MALL: variants seen among roughly 807,000 people sequenced by gnomAD.
MALL encodes mal, T cell differentiation protein like, also known as MAL-like protein.
In MALL, 2 loss-of-function variants were observed where a neutral mutation model predicts 10.3. That is an observed-to-expected ratio of 0.19 (90% CI 0.08 to 0.61). The LOEUF (loss-of-function observed/expected upper bound fraction) is 0.61, where lower values mean the gene tolerates loss of function less well. Ranked by LOEUF, MALL falls within the 20% of genes least tolerant of loss-of-function variation. The probability of loss-of-function intolerance (pLI) is 0.88; values close to 1 mark genes in which losing one functional copy is unlikely to be tolerated. For synonymous variants in MALL, 27 were observed against 51.8 expected (o/e 0.52, Z 2.05); for missense variants, 39 against 115.2 (o/e 0.34, Z 3.03).
intron 1 of MALL, chr2:110,097,597 A>G (rs1190926526): frequency 2.2e-6 from 1 of 455,818 alleles, no homozygotes; most frequent in Admixed American, 2.4e-5. Flanking sequence ...TGCCTGAGTA[A>G]TGATGCCCTG....
At chr2:110,096,404 G>A (rs1678441150) in intron 1 of MALL, among the ~76,000 whole-genome samples, 1 of 152,088 alleles carries the variant, frequency 6.6e-6, no homozygotes, top group Non-Finnish European at 1.5e-5. Flanking sequence ...AATAGAAGAG[G>A]TGGGGGTCTC....
chr2:110,115,476 CGCT>C (rs1678887857), intron 1 of MALL, among the ~76,000 whole-genome samples: 1 of 69,992 alleles, frequency 1.4e-5, no homozygotes. Context: ...GCTCGCTCCC[CGCT>C]CTCGGTCCGG....
chr2:110,098,261 G>A (rs1678487062), intron 1 of MALL, among the ~76,000 whole-genome samples: 1 of 151,622 alleles, frequency 6.6e-6, no homozygotes, highest in South Asian at 2.1e-4. Flanking sequence ...ATTTTTAAGT[G>A]TACAGTTCAG....
At chr2:110,097,144 C>T (rs1183324578) in intron 1 of MALL, among the ~76,000 whole-genome samples, 1 of 148,236 alleles carries the variant, frequency 6.7e-6, no homozygotes, top group Non-Finnish European at 1.5e-5. Flanking sequence ...ATGGAACAAA[C>T]TCCAAGAATT....
At chr2:110,117,587 A>ATG (rs3840469), upstream of MALL, among the ~76,000 whole-genome samples, 5,232 of 105,208 alleles carry the variant, frequency 0.05, 294 homozygotes, top group African/African-American at 0.14. Context: ...GACCAAAGCA[A>ATG]TGTGTGTGTG....
intron 1 of MALL, among the ~76,000 whole-genome samples, chr2:110,101,991 C>T (rs1678573396): frequency 6.6e-6 from 1 of 152,144 alleles, no homozygotes; most frequent in South Asian, 2.1e-4. Context: ...GGCTTCCCCA[C>T]TCTCCCTGGC....
At chr2:110,102,996 TG>T (rs1337809765) in intron 1 of MALL, among the ~76,000 whole-genome samples, 3 of 151,908 alleles carry the variant, frequency 2.0e-5, no homozygotes, top group African/African-American at 4.8e-5. Context: ...GGGAGGCTGG[TG>T]GGGGTATCTG....
intron 1 of MALL, among the ~76,000 whole-genome samples, chr2:110,107,002 A>G (rs185457117): frequency 6.7e-6 from 1 of 150,208 alleles, no homozygotes; most frequent in Admixed American, 6.7e-5. Context: ...TATTTATATA[A>G]CTTTCTGGAA....
intron 1 of MALL, among the ~76,000 whole-genome samples, chr2:110,101,070 C>A (rs1164711012): frequency 2.6e-5 from 4 of 151,302 alleles, no homozygotes; most frequent in Admixed American, 2.6e-4. Context: ...GCTCAGAGAC[C>A]CAGGGTCCAC....
upstream of MALL, among the ~76,000 whole-genome samples, chr2:110,117,576 G>A (rs1318155974): frequency 5.5e-5 from 8 of 144,710 alleles, 1 homozygote; most frequent in Non-Finnish European, 1.1e-4. Flanking sequence ...TCTATCTTCA[G>A]GACCAAAGCA....
intron 1 of MALL, 53 bp downstream of exon 1, chr2:110,115,635 C>T: frequency 8.5e-6 from 9 of 1,063,348 alleles, no homozygotes; most frequent in South Asian, 4.4e-5. Flanking sequence ...GGTCCGAGGC[C>T]GGTCTCCCCC....
At chr2:110,095,491 T>A (rs1277228184) in intron 1 of MALL, among the ~76,000 whole-genome samples, 2 of 152,132 alleles carry the variant, frequency 1.3e-5, no homozygotes, top group Non-Finnish European at 2.9e-5. Context: ...AGCTTAACAA[T>A]AGGTTTTTAA....
chr2:110,099,743 G>A (rs1678521574), intron 1 of MALL, among the ~76,000 whole-genome samples: 1 of 152,110 alleles, frequency 6.6e-6, no homozygotes, highest in Admixed American at 6.5e-5. Flanking sequence ...GCCTGAGAAG[G>A]GGGCACAGGG....
intron 1 of MALL, among the ~76,000 whole-genome samples, chr2:110,102,171 C>G (rs527682983): frequency 6.6e-6 from 1 of 152,178 alleles, no homozygotes; most frequent in African/African-American, 2.4e-5. Flanking sequence ...TGACTAATAA[C>G]CTGCCCTTCA....
At chr2:110,117,049 G>A (rs1276394210), upstream of MALL, among the ~76,000 whole-genome samples, 1 of 152,150 alleles carries the variant, frequency 6.6e-6, no homozygotes, top group Non-Finnish European at 1.5e-5. Flanking sequence ...ATGAAGCTAA[G>A]ACCAAAGGCA....
At chr2:110,113,032 A>G (rs888263256) in intron 1 of MALL, among the ~76,000 whole-genome samples, 21 of 152,120 alleles carry the variant, frequency 1.4e-4, no homozygotes, top group African/African-American at 5.1e-4. Flanking sequence ...CAAACATCGT[A>G]TGTTCTCACT....
upstream of MALL, among the ~76,000 whole-genome samples, chr2:110,116,987 C>A (rs1678933605): frequency 6.6e-6 from 1 of 152,188 alleles, no homozygotes; most frequent in Non-Finnish European, 1.5e-5. Flanking sequence ...GACCAGCCAG[C>A]TTGGCCTTTG....
chr2:110,115,632 G>T, intron 1 of MALL, 56 bp downstream of exon 1: 1 of 1,041,640 alleles, frequency 9.6e-7, no homozygotes, highest in Non-Finnish European at 1.3e-6. Flanking sequence ...CTGGGTCCGA[G>T]GCCGGTCTCC....
At chr2:110,105,047 A>G (rs1302142593) in intron 1 of MALL, among the ~76,000 whole-genome samples, 1 of 152,136 alleles carries the variant, frequency 6.6e-6, no homozygotes, top group Non-Finnish European at 1.5e-5. Context: ...CCACATTCAA[A>G]CCCCACAGCT....
Sources: gnomAD v4.1 joint callset for allele counts (sites outside exome capture counted in the v4.1 genomes callset) on GRCh38, gnomAD v4.1.1 for gene constraint, MANE v1.5 for transcripts, NCBI Gene and HGNC (gene_info 2026-07-23, HGNC 2026-07-21) for gene names.